The following RBMS3 variants were observed in gnomAD, a reference collection of about 807,000 sequenced individuals.
RBMS3 encodes the protein RNA-binding motif, single-stranded-interacting protein 3.
In RBMS3, 27 loss-of-function variants were observed where a neutral mutation model predicts 66.8. The ratio of observed to expected loss-of-function variants is 0.40; its 90% confidence interval spans 0.30 to 0.56. The LOEUF is 0.56. RBMS3 is among the 20% of genes least tolerant of loss of function. The pLI is 0.40. For missense variants in RBMS3, 513 were observed against 549.5 expected, an observed-to-expected ratio of 0.93 and a Z score of 0.66; for synonymous variants, 188 against 183.0, an observed-to-expected ratio of 1.03 and a Z score of -0.22.
chr3:29,427,918 TA>T (rs2041023009), intron 1 of RBMS3, among the ~76,000 whole-genome samples: 1 of 152,098 alleles, frequency 6.6e-6, no homozygotes, highest in Non-Finnish European at 1.5e-5. Context: ...ATGCAAAAAA[TA>T]TTTAAAATTC....
intron 6 of RBMS3, among the ~76,000 whole-genome samples, chr3:29,777,756 A>T (rs1164071464): frequency 6.6e-6 from 1 of 151,930 alleles, no homozygotes; most frequent in Non-Finnish European, 1.5e-5. Context: ...ATGCGTTGGA[A>T]TACCAAACAT....
chr3:29,881,474 TA>T (rs1377477126), intron 7 of RBMS3, among the ~76,000 whole-genome samples: 1 of 152,168 alleles, frequency 6.6e-6, no homozygotes, highest in Non-Finnish European at 1.5e-5. Flanking sequence ...CAGGCTCAAA[TA>T]GGTTAAATAA....
intron 1 of RBMS3, among the ~76,000 whole-genome samples, chr3:29,417,083 C>A (rs2040507949): frequency 1.3e-5 from 2 of 151,912 alleles, no homozygotes; most frequent in African/African-American, 4.8e-5. Flanking sequence ...AAGAGACAAT[C>A]AAAAGGTTTG....
chr3:29,816,602 G>A (rs11708604), intron 6 of RBMS3, among the ~76,000 whole-genome samples: 4 of 151,932 alleles, frequency 2.6e-5, no homozygotes, highest in African/African-American at 9.7e-5. Context: ...AGAAATCAAA[G>A]GTTCTTCTGG....
At chr3:29,827,133 C>T (rs183900287) in intron 6 of RBMS3, among the ~76,000 whole-genome samples, 1 of 152,236 alleles carries the variant, frequency 6.6e-6, no homozygotes, top group East Asian at 1.9e-4. Flanking sequence ...GATACCTCTG[C>T]TATATGGTCA....
chr3:29,375,160 A>G (rs1365112894), intron 1 of RBMS3, among the ~76,000 whole-genome samples: 1 of 152,260 alleles, frequency 6.6e-6, no homozygotes, highest in Non-Finnish European at 1.5e-5. Flanking sequence ...GGCTATATAT[A>G]GAAAATTGAA....
At chr3:29,829,243 C>T in intron 6 of RBMS3, among the ~76,000 whole-genome samples, 1 of 152,042 alleles carries the variant, frequency 6.6e-6, no homozygotes, top group Non-Finnish European at 1.5e-5. Flanking sequence ...CAGGGTTTCG[C>T]CATATTGGTC....
intron 3 of RBMS3, among the ~76,000 whole-genome samples, chr3:29,577,498 C>T (rs547725953): frequency 6.6e-6 from 1 of 152,252 alleles, no homozygotes; most frequent in African/African-American, 2.4e-5. Flanking sequence ...AGTTGCAGTC[C>T]CTGTGCCCTT....
intron 4 of RBMS3, among the ~76,000 whole-genome samples, chr3:29,729,838 A>C (rs2054054592): frequency 6.6e-6 from 1 of 152,184 alleles, no homozygotes; most frequent in South Asian, 2.1e-4. Flanking sequence ...AAAAAGAACA[A>C]TTGAATTATA....
At chr3:29,450,050 C>T (rs1371458569) in intron 2 of RBMS3, among the ~76,000 whole-genome samples, 1 of 152,136 alleles carries the variant, frequency 6.6e-6, no homozygotes, top group Non-Finnish European at 1.5e-5. Flanking sequence ...AGCAGAGGAA[C>T]CACAGCCCCC....
At chr3:29,302,368 T>G (rs1003909815) in intron 1 of RBMS3, among the ~76,000 whole-genome samples, 1 of 151,954 alleles carries the variant, frequency 6.6e-6, no homozygotes, top group African/African-American at 2.4e-5. Flanking sequence ...AAAATAGCCA[T>G]TTACCTAGAT....
chr3:29,311,208 G>T (rs1352956746), intron 1 of RBMS3, among the ~76,000 whole-genome samples: 2 of 151,782 alleles, frequency 1.3e-5, no homozygotes, highest in Non-Finnish European at 2.9e-5. Context: ...AGGTGGGTTT[G>T]TTTGTTAGGT....
chr3:29,669,414 T>C (rs960452428), intron 4 of RBMS3, among the ~76,000 whole-genome samples: 3 of 152,164 alleles, frequency 2.0e-5, no homozygotes, highest in Non-Finnish European at 4.4e-5. Flanking sequence ...CAATACTGAG[T>C]CACAGAAAGT....
In RBMS3 at chr3:29,386,553, A is replaced by T. The variant is rs113664414; in HGVS notation, c.76-48190A>T. Among the ~76,000 whole-genome samples, 962 of 152,222 alleles carry T rather than the reference A, an allele frequency of 6.3e-3. 10 individuals are homozygous for T. The highest frequency in any genetic ancestry group is 0.021 in the African/African-American group (872 of 41,530). Reference sequence around the variant, plus strand: ...ATCATCTCTTCTACTTGTGCACTGGATCACATACCTCTTCTGTATACAAAG... The same window carrying T: ...ATCATCTCTTCTACTTGTGCACTGGTTCACATACCTCTTCTGTATACAAAG... On this transcript the variant is annotated intron_variant, in intron 1 of 14. Coordinates refer to ENST00000383767, the MANE Select transcript of RBMS3 (RefSeq NM_001003793.3).
intron 2 of RBMS3, among the ~76,000 whole-genome samples, chr3:29,458,727 T>C (rs1003153690): frequency 1.3e-5 from 2 of 152,186 alleles, no homozygotes; most frequent in African/African-American, 4.8e-5. Flanking sequence ...AGACCTATTA[T>C]AAATCTTGAT....
chr3:29,687,467 T>C (rs887910466), intron 4 of RBMS3, among the ~76,000 whole-genome samples: 1 of 152,240 alleles, frequency 6.6e-6, no homozygotes, highest in Non-Finnish European at 1.5e-5. Context: ...TCTTTTTCCT[T>C]CAACATGAAG....
intron 4 of RBMS3, among the ~76,000 whole-genome samples, chr3:29,666,061 C>G (rs973265920): frequency 2.0e-5 from 3 of 152,092 alleles, no homozygotes; most frequent in African/African-American, 7.2e-5. Flanking sequence ...TTCCAAGGCA[C>G]GTTGTCATAT....
At chr3:29,587,031 T>C in intron 3 of RBMS3, 83 bp from the exon 4 acceptor site, 1 of 1,024,860 alleles carries the variant, frequency 9.8e-7, no homozygotes, top group Non-Finnish European at 1.5e-6. Flanking sequence ...AATGCAAGTC[T>C]ATCTGTAAAC....
intron 4 of RBMS3, among the ~76,000 whole-genome samples, chr3:29,739,376 A>G (rs1323615008): frequency 6.6e-6 from 1 of 151,592 alleles, no homozygotes; most frequent in Admixed American, 6.6e-5. Context: ...GAATGGCGTG[A>G]ACCCGGGAAG....
Sources: gnomAD v4.1 joint callset for allele counts (sites outside exome capture counted in the v4.1 genomes callset) on GRCh38, gnomAD v4.1.1 for gene constraint, MANE v1.5 for transcripts, NCBI Gene and HGNC (gene_info 2026-07-23, HGNC 2026-07-21) for gene names.